Variants in RBMS3 observed in about 807,000 individuals in gnomAD.
RBMS3 encodes the protein RNA binding motif single stranded interacting protein 3.
Under a neutral mutation model 66.8 loss-of-function variants are expected in RBMS3, and 27 were observed. The observed-to-expected ratio is 0.40, with a 90% CI of 0.30 to 0.56. The LOEUF is 0.56. Among genes scored for constraint, RBMS3 ranks in the 20% least tolerant of loss-of-function variants. The pLI is 0.40. For missense variants in RBMS3, 513 were observed against 549.5 expected, an observed-to-expected ratio of 0.93 and a Z score of 0.66; for synonymous variants, 188 against 183.0, an observed-to-expected ratio of 1.03 and a Z score of -0.22.
intron 2 of RBMS3, among the ~76,000 whole-genome samples, chr3:29,482,282 C>G (rs1193200928): frequency 1.3e-5 from 2 of 152,106 alleles, no homozygotes; most frequent in African/African-American, 4.8e-5. Context: ...TAAAGCATAA[C>G]CCAAGAGTTA....
chr3:30,001,088 T>C (rs1699588466), intron 14 of RBMS3, among the ~76,000 whole-genome samples: 1 of 152,062 alleles, frequency 6.6e-6, no homozygotes, highest in Non-Finnish European at 1.5e-5. Context: ...AACAGTTTCA[T>C]CTACAATTTG....
At chr3:29,849,525 GA>G (rs5847599) in intron 6 of RBMS3, among the ~76,000 whole-genome samples, 5,175 of 107,222 alleles carry the variant, frequency 0.048, 174 homozygotes, top group East Asian at 0.14. Flanking sequence ...ACTTAAAAAA[GA>G]AAAAAAAAAA....
chr3:29,454,032 C>A (rs1201417730), intron 2 of RBMS3, among the ~76,000 whole-genome samples: 1 of 152,146 alleles, frequency 6.6e-6, no homozygotes, highest in South Asian at 2.1e-4. Context: ...AGTAAATTTT[C>A]TCTGTATTTC....
At chr3:29,414,547 T>C (rs2040399912) in intron 1 of RBMS3, among the ~76,000 whole-genome samples, 1 of 152,248 alleles carries the variant, frequency 6.6e-6, no homozygotes, top group South Asian at 2.1e-4. Context: ...AATTACTTCA[T>C]TCATTAGTTC....
At chr3:29,406,201 G>A (rs1407735873) in intron 1 of RBMS3, among the ~76,000 whole-genome samples, 2 of 152,170 alleles carry the variant, frequency 1.3e-5, no homozygotes, top group Non-Finnish European at 2.9e-5. Context: ...TTAAATGGTT[G>A]TGGCTCACAG....
At chr3:29,484,710 A>C (rs2043258238) in intron 2 of RBMS3, among the ~76,000 whole-genome samples, 1 of 152,168 alleles carries the variant, frequency 6.6e-6, no homozygotes, top group African/African-American at 2.4e-5. Context: ...ATTCCATCAG[A>C]GAGATAGCCC....
chr3:29,483,694 C>T (rs572171886), intron 2 of RBMS3, among the ~76,000 whole-genome samples: 2 of 152,292 alleles, frequency 1.3e-5, no homozygotes, highest in Middle Eastern at 3.4e-3. Context: ...AGTAGTAATA[C>T]ACTGACGTGA....
intron 4 of RBMS3, among the ~76,000 whole-genome samples, chr3:29,737,069 C>T (rs1388128675): frequency 1.3e-5 from 2 of 151,988 alleles, no homozygotes; most frequent in East Asian, 1.9e-4. Context: ...CTCCGCCTCC[C>T]GGGTTCACGC....
At chr3:29,326,560 A>G (rs2035346512) in intron 1 of RBMS3, among the ~76,000 whole-genome samples, 1 of 152,064 alleles carries the variant, frequency 6.6e-6, no homozygotes, top group Non-Finnish European at 1.5e-5. Context: ...TATTCCAGAT[A>G]TTTGTTTATG....
At chr3:29,900,000 G>C (rs2060216717) in intron 10 of RBMS3, among the ~76,000 whole-genome samples, 1 of 151,664 alleles carries the variant, frequency 6.6e-6, no homozygotes, top group Admixed American at 6.6e-5. Flanking sequence ...GAGAGAGAGA[G>C]AGAGAGTGCC....
chr3:29,870,805 T>G (rs2059472103), intron 7 of RBMS3, among the ~76,000 whole-genome samples: 1 of 152,142 alleles, frequency 6.6e-6, no homozygotes, highest in Non-Finnish European at 1.5e-5. Flanking sequence ...CAAGGGACCA[T>G]GATAAAATTT....
At chr3:29,977,512 C>G (rs1697671641) in intron 12 of RBMS3, among the ~76,000 whole-genome samples, 1 of 147,848 alleles carries the variant, frequency 6.8e-6, no homozygotes, top group Non-Finnish European at 1.5e-5. Context: ...CGGTTCTGTT[C>G]CAATTTTACA....
chr3:29,731,277 A>G (rs541931497), intron 4 of RBMS3, among the ~76,000 whole-genome samples: 1 of 152,326 alleles, frequency 6.6e-6, no homozygotes, highest in South Asian at 2.1e-4. Context: ...AAATAAGTAA[A>G]TGCTTCTTTT....
At chr3:29,379,709 G>A (rs989547322) in intron 1 of RBMS3, among the ~76,000 whole-genome samples, 6 of 152,194 alleles carry the variant, frequency 3.9e-5, no homozygotes, top group South Asian at 2.1e-4. Context: ...GGGACACAGC[G>A]AAGCTATGTC....
At chr3:29,675,584 A>G (rs1332829027) in intron 4 of RBMS3, among the ~76,000 whole-genome samples, 1 of 152,236 alleles carries the variant, frequency 6.6e-6, no homozygotes, top group Admixed American at 6.5e-5. Flanking sequence ...TTTACAAGAA[A>G]AAATCAAACA....
intron 1 of RBMS3, among the ~76,000 whole-genome samples, chr3:29,419,861 G>T (rs2040629740): frequency 6.6e-6 from 1 of 152,100 alleles, no homozygotes; most frequent in Admixed American, 6.6e-5. Flanking sequence ...TGAATTTAAG[G>T]AATACTTACA....
intron 4 of RBMS3, among the ~76,000 whole-genome samples, chr3:29,677,248 G>A (rs948809010): frequency 3.9e-5 from 6 of 152,082 alleles, no homozygotes; most frequent in African/African-American, 1.4e-4. Flanking sequence ...ATTTGGGTGA[G>A]GACACAAATC....
chr3:29,624,636 G>A (rs990672894), intron 4 of RBMS3, among the ~76,000 whole-genome samples: 8 of 151,996 alleles, frequency 5.3e-5, no homozygotes, highest in African/African-American at 1.9e-4. Flanking sequence ...AACTCCAAGG[G>A]CCATAGTTCG....
intron 1 of RBMS3, among the ~76,000 whole-genome samples, chr3:29,355,355 A>T (rs1377826286): frequency 6.6e-6 from 1 of 152,150 alleles, no homozygotes; most frequent in Non-Finnish European, 1.5e-5. Context: ...AGGTTTCATT[A>T]AGAAGAGGTG....
Sources: gnomAD v4.1 joint callset for allele counts (sites outside exome capture counted in the v4.1 genomes callset) on GRCh38, gnomAD v4.1.1 for gene constraint, MANE v1.5 for transcripts, NCBI Gene and HGNC (gene_info 2026-07-23, HGNC 2026-07-21) for gene names.